SENP6: variants seen among roughly 807,000 people sequenced by gnomAD.
SENP6 encodes the protein SUMO specific peptidase 6.
A neutral mutation model predicts 134.5 loss-of-function variants in SENP6; 41 were observed. The observed-to-expected ratio is 0.30, with a 90% confidence interval of 0.24 to 0.40. The LOEUF (loss-of-function observed/expected upper bound fraction) is 0.40. Among genes scored for constraint, SENP6 ranks in the 10% least tolerant of loss-of-function variants. The pLI is 1.00. For missense variants in SENP6, 1,248 were observed against 1,312.5 expected, an observed-to-expected ratio of 0.95 and a Z score of 0.76; for synonymous variants, 395 against 429.8, an observed-to-expected ratio of 0.92 and a Z score of 1.00.
chr6:75,655,775 C>T (rs1771275981), intron 7 of SENP6, among the ~76,000 whole-genome samples: 1 of 152,114 alleles, frequency 6.6e-6, no homozygotes, highest in Admixed American at 6.5e-5. Flanking sequence ...CTGCTATGAA[C>T]ATTCTTTTTA....
intron 9 of SENP6, among the ~76,000 whole-genome samples, chr6:75,666,107 A>ACG (rs1772189972): frequency 6.2e-5 from 9 of 145,846 alleles, no homozygotes; most frequent in African/African-American, 2.0e-4. Context: ...TATATATAAA[A>ACG]TGTATATATG....
At chr6:75,675,279 A>T (rs534184916) in intron 11 of SENP6, among the ~76,000 whole-genome samples, 156 bp from the exon 12 acceptor site, 1 of 152,192 alleles carries the variant, frequency 6.6e-6, no homozygotes, top group Non-Finnish European at 1.5e-5. Context: ...TAGATAAGCA[A>T]TGTTTAGGTG....
chr6:75,628,625 C>T (rs955778205), intron 3 of SENP6, among the ~76,000 whole-genome samples: 3 of 152,034 alleles, frequency 2.0e-5, no homozygotes, highest in Non-Finnish European at 4.4e-5. Flanking sequence ...AGGGAAATTT[C>T]TTTTTAAACT....
At chr6:75,657,335 C>G (rs905761816) in intron 7 of SENP6, among the ~76,000 whole-genome samples, 1 of 152,104 alleles carries the variant, frequency 6.6e-6, no homozygotes, top group South Asian at 2.1e-4. Flanking sequence ...AGTAACTTAG[C>G]CTTCATAAAA....
At chr6:75,676,321 TTAAC>T (rs1441203259) in intron 13 of SENP6, among the ~76,000 whole-genome samples, 2 of 152,170 alleles carry the variant, frequency 1.3e-5, no homozygotes, top group Non-Finnish European at 2.9e-5. Flanking sequence ...ATCTGCACTC[TTAAC>T]TAACACTGTA....
chr6:75,635,534 C>CG (rs1769446527), intron 5 of SENP6, among the ~76,000 whole-genome samples: 2 of 152,036 alleles, frequency 1.3e-5, no homozygotes, highest in East Asian at 3.8e-4. Flanking sequence ...CTGAACCTTG[C>CG]TATATTTTTC....
intron 17 of SENP6, 123 bp downstream of exon 17, chr6:75,696,046 C>T (rs991341445): frequency 9.1e-6 from 8 of 874,588 alleles, no homozygotes; most frequent in African/African-American, 1.7e-5. Context: ...TTAAATTCTC[C>T]AGCCAGGAAG....
chr6:75,626,345 A>G (rs1303202712), intron 3 of SENP6, among the ~76,000 whole-genome samples: 3 of 151,766 alleles, frequency 2.0e-5, no homozygotes, highest in Admixed American at 2.0e-4. Context: ...CTTTTTATAT[A>G]TATATATATA....
rs1178568132 is a variant in SENP6 at position 75,687,516 on chromosome 6, T to G, written c.2076-8288T>G. The stretch of plus-strand genomic sequence containing the variant: ...GAATTTTCAGCTTTTCTGCTCTGGT[T>G]TCTCCCCATCTTTGTGGTTTTATCT... On this transcript the variant is annotated intron_variant, in intron 16 of 23. Transcript: ENST00000447266. 2.6e-5 allele frequency among the ~76,000 whole-genome samples: 4 copies of G among 152,340 alleles called. No individual in the cohort carries two copies. The East Asian group carries it at 7.7e-4, about 29-fold the overall frequency.
intron 9 of SENP6, among the ~76,000 whole-genome samples, chr6:75,665,516 G>C (rs1297498399): frequency 2.0e-5 from 3 of 152,170 alleles, no homozygotes; most frequent in Admixed American, 2.0e-4. Flanking sequence ...GTTTGTATTT[G>C]ACTCAAATAC....
At chr6:75,666,065 G>A (rs900566541) in intron 9 of SENP6, among the ~76,000 whole-genome samples, 7 of 129,008 alleles carry the variant, frequency 5.4e-5, no homozygotes, top group African/African-American at 1.7e-4. Flanking sequence ...TATATAAAAC[G>A]TATATATGAT....
intron 16 of SENP6, among the ~76,000 whole-genome samples, chr6:75,690,695 T>G (rs1774175699): frequency 7.5e-6 from 1 of 132,460 alleles, no homozygotes; most frequent in Non-Finnish European, 1.7e-5. Flanking sequence ...TTTTTTTGTT[T>G]TTTGTTTTTT....
chr6:75,700,424 A>G (rs1347215874), intron 18 of SENP6, among the ~76,000 whole-genome samples: 3 of 152,166 alleles, frequency 2.0e-5, no homozygotes, highest in African/African-American at 7.2e-5. Context: ...AATATTAAGA[A>G]CTGTGATAGG....
intron 5 of SENP6, among the ~76,000 whole-genome samples, chr6:75,636,775 G>A (rs1429783192): frequency 6.6e-6 from 1 of 152,046 alleles, no homozygotes; most frequent in African/African-American, 2.4e-5. Context: ...AACTAAGATT[G>A]TTGCTTCCAG....
In SENP6 at chr6:75,621,518, TG is replaced by T; in HGVS notation, c.53-13del. 6.6e-7 allele frequency: 1 copy of T among 1,514,494 alleles called. No individual in the cohort carries two copies. Among genetic ancestry groups the T allele is most frequent in the Admixed American group, 1.7e-5 (1 of 58,632 alleles). The allele number at this position is 1,514,494 out of a possible 1,614,324, so 93.8% of individuals were successfully genotyped here. A position where few individuals can be genotyped will look rare whatever the true frequency, so the allele number is the denominator to read the frequency against. On this transcript the variant is annotated splice_polypyrimidine_tract_variant and intron_variant, in intron 1 of 23. Transcript: ENST00000447266. ...CTATTAATGAATACTTACTGCAGTTTGTTTTTATTTCAGCTTTGGCTAGATC... is the reference window on the plus strand; with the variant it reads ...CTATTAATGAATACTTACTGCAGTTTTTTTTATTTCAGCTTTGGCTAGATC...
chr6:75,709,246 G>A (rs1775605271), intron 19 of SENP6, among the ~76,000 whole-genome samples: 1 of 152,000 alleles, frequency 6.6e-6, no homozygotes, highest in African/African-American at 2.4e-5. Flanking sequence ...ATATACATAT[G>A]TATATGTATT....
intron 2 of SENP6, 67 bp downstream of exon 2, chr6:75,621,692 A>G (rs569411536): frequency 4.4e-6 from 4 of 918,474 alleles, no homozygotes; most frequent in Admixed American, 4.5e-5. Flanking sequence ...AACAATTTCT[A>G]TTGTATGGAA....
intron 5 of SENP6, chr6:75,635,052 G>A (rs934002318): frequency 1.8e-6 from 1 of 565,878 alleles, no homozygotes; most frequent in Non-Finnish European, 3.2e-6. Context: ...ATAATCCAGA[G>A]AATCTAAGAT....
chr6:75,617,311 T>C (rs1003837966), intron 1 of SENP6, among the ~76,000 whole-genome samples: 9 of 145,568 alleles, frequency 6.2e-5, no homozygotes, highest in Non-Finnish European at 1.4e-4. Context: ...TTCGCTCTTG[T>C]TGCCCAGGCT....
Sources: allele counts gnomAD v4.1 joint callset (sites outside exome capture counted in the v4.1 genomes callset), GRCh38; gene constraint gnomAD v4.1.1; transcripts MANE v1.5; gene names NCBI Gene and HGNC (gene_info 2026-07-23, HGNC 2026-07-21).